PRSS53: variants seen among roughly 807,000 people sequenced by gnomAD.
PRSS53 encodes the protein serine protease 53.
Under a neutral mutation model 62.7 loss-of-function variants are expected in PRSS53, and 54 were observed. The observed-to-expected ratio is 0.86, with a 90% CI of 0.69 to 1.08. PRSS53 has a LOEUF of 1.08. Ranked by LOEUF, PRSS53 falls within the 50% of genes least tolerant of loss-of-function variation. The probability of loss-of-function intolerance (pLI) is 0.00; values close to 1 mark genes in which losing one functional copy is unlikely to be tolerated. For missense variants in PRSS53, 688 were observed against 728.3 expected (o/e 0.94, Z 0.64); for synonymous variants, 273 against 300.0 (o/e 0.91, Z 0.93).
chr16:31,086,864 C>T (rs2057240548), exon 4 of PRSS53: 2 of 1,604,148 alleles, frequency 1.2e-6, no homozygotes, highest in African/African-American at 1.3e-5. Flanking sequence ...GAACCCAGGA[C>T]CACTGACCAG....
At chr16:31,088,224 A>G in intron 1 of PRSS53, 2 of 1,143,446 alleles carry the variant, frequency 1.7e-6, no homozygotes, top group Non-Finnish European at 1.1e-6. Context: ...AGAGGCCTGC[A>G]TCATTTCCAA....
rs768174638 is a variant in PRSS53 at position 31,086,086 on chromosome 16, G to A, written c.761C>T (p.Ala254Val). ...AGCTGTGTTGGTCAGCAGCACAGGA[G>A]CGTCCTCCTGGGCACAGCTTGATGC... The change falls in exon 6 of 11, where the codon GCT (alanine) becomes GTT (valine). Residue 254 changes from alanine to valine, a missense_variant. Physicochemically the swap from Ala to Val is moderately conservative, Grantham distance 64. Transcript: ENST00000280606. The A allele has an allele frequency of 3.1e-6, 5 of 1,613,808 alleles. No homozygotes were observed. In the East Asian group the frequency reaches 1.1e-4, roughly 36 times the overall value.
At chr16:31,088,179 G>A (rs754048889) in intron 1 of PRSS53, 1 of 1,244,134 alleles carries the variant, frequency 8.0e-7, no homozygotes. Flanking sequence ...TAGCTTAATT[G>A]TCCTCTTAGC....
chr16:31,088,056 CTG>C, intron 1 of PRSS53: 1 of 1,427,350 alleles, frequency 7.0e-7, no homozygotes, highest in African/African-American at 1.4e-5. Context: ...GCTCAGCACT[CTG>C]GGGCTTGGGG....
At chr16:31,086,558 G>T in intron 4 of PRSS53, 67 bp from the exon 5 acceptor site, 1 of 1,569,144 alleles carries the variant, frequency 6.4e-7, no homozygotes, top group Non-Finnish European at 8.7e-7. Context: ...TGGAAGCCAG[G>T]ACAGTTGGGA....
intron 3 of PRSS53, chr16:31,087,170 C>T: frequency 1.9e-6 from 1 of 521,192 alleles, no homozygotes; most frequent in Non-Finnish European, 3.4e-6. Flanking sequence ...GCTAATTTTA[C>T]AGTTTTTGTA....
chr16:31,087,023 G>T, intron 3 of PRSS53, 125 bp from the exon 4 acceptor site: 2 of 1,006,788 alleles, frequency 2.0e-6, no homozygotes, highest in Admixed American at 3.3e-5. Context: ...TTGAGGTAGG[G>T]TCTCGTCCTG....
chr16:31,088,362 A>C, intron 1 of PRSS53: 1 of 1,126,196 alleles, frequency 8.9e-7, no homozygotes, highest in Non-Finnish European at 1.1e-6. Context: ...CCTCACAGGC[A>C]CACAGGCACC....
intron 6 of PRSS53, among the ~76,000 whole-genome samples, chr16:31,085,618 G>A (rs73528598): frequency 2.6e-3 from 397 of 152,198 alleles, no homozygotes; most frequent in African/African-American, 9.0e-3. Flanking sequence ...CATAATATCC[G>A]TCCCAGGAAT....
rs370668054 is a variant in PRSS53 at position 31,085,976 on chromosome 16, C to A, written c.871G>T (p.Asp291Tyr). 25 of 1,613,786 alleles carry A rather than the reference C, an allele frequency of 1.5e-5. No individual in the cohort carries two copies. The East Asian group carries it at 5.4e-4, about 35-fold the overall frequency. The change falls in exon 6 of 11, where the codon GAC (aspartate) becomes TAC (tyrosine). Residue 291 changes from aspartate (D) to tyrosine (Y), a missense_variant. Transcript: ENST00000280606. ...GCCCCACTCGTACCTACACAGCTGT[C>A]CTCATCACTCATCTCCGGGGTCTCT...
At chr16:31,084,488 C>T (rs999450012) in intron 9 of PRSS53, 70 bp downstream of exon 9, 16 of 1,539,034 alleles carry the variant, frequency 1.0e-5, no homozygotes, top group Non-Finnish European at 1.3e-5. Flanking sequence ...CCTGGAAGGT[C>T]CGTTCTTGAG....
chr16:31,088,929 C>CAG (rs1390629406), exon 1 of PRSS53: 2 of 1,518,418 alleles, frequency 1.3e-6, no homozygotes, highest in African/African-American at 2.7e-5. Context: ...TTGCCCTAGC[C>CAG]AGCAGTTCCT....
exon 4 of PRSS53, chr16:31,086,726 T>C: frequency 6.3e-7 from 1 of 1,589,560 alleles, no homozygotes; most frequent in African/African-American, 1.3e-5. Context: ...GGTGTGTGGG[T>C]CGTGGGGTGG....
chr16:31,086,270 G>A (rs960187094), intron 5 of PRSS53, 67 bp downstream of exon 5: 35 of 1,584,068 alleles, frequency 2.2e-5, no homozygotes, highest in Non-Finnish European at 2.8e-5. Context: ...CCCCAGTCCT[G>A]TGAGTCCAAC....
exon 4 of PRSS53, chr16:31,086,719 G>A: frequency 6.3e-7 from 1 of 1,584,468 alleles, no homozygotes; most frequent in Non-Finnish European, 8.6e-7. Context: ...GCAGAGGGGT[G>A]TGTGGGTCGT....
intron 3 of PRSS53, 105 bp downstream of exon 3, chr16:31,087,432 G>A: frequency 1.3e-6 from 1 of 791,628 alleles, no homozygotes; most frequent in Middle Eastern, 3.3e-4. Flanking sequence ...TCAGTAAATG[G>A]TTCTTTATTA....
rs1474992726 is a variant in PRSS53, at chr16:31,088,472, C to T, written c.58+280G>A. ...GTTTGCCTGACGTCATTGTGGAAGTCGAGGGGGAGGCAGGCACAGGACACA... is the reference window on the plus strand; with the variant it reads ...GTTTGCCTGACGTCATTGTGGAAGTTGAGGGGGAGGCAGGCACAGGACACA... On this transcript the variant is annotated intron_variant, in intron 1 of 10. Coordinates refer to ENST00000280606, the Ensembl canonical transcript of PRSS53. 5.3e-6 allele frequency: 7 copies of T among 1,313,438 alleles called. No individual in the cohort carries two copies. In the East Asian group the frequency reaches 9.1e-5, roughly 17 times the overall value. 81.4% of individuals were successfully genotyped at this position (1,313,438 alleles called of 1,614,324 possible).
intron 6 of PRSS53, among the ~76,000 whole-genome samples, chr16:31,085,577 T>C (rs2057223847): frequency 6.6e-6 from 1 of 152,212 alleles, no homozygotes; most frequent in Non-Finnish European, 1.5e-5. Context: ...CCCGTATTCC[T>C]GACTCATTAG....
intron 4 of PRSS53, 51 bp downstream of exon 4, chr16:31,086,582 C>A (rs755432832): frequency 6.4e-7 from 1 of 1,551,228 alleles, no homozygotes; most frequent in Non-Finnish European, 8.7e-7. Context: ...GAGACTGTGA[C>A]GCTGGGCAAG....
Sources: gnomAD v4.1 joint callset for allele counts (sites outside exome capture counted in the v4.1 genomes callset) on GRCh38, gnomAD v4.1.1 for gene constraint, MANE v1.5 for transcripts, NCBI Gene and HGNC (gene_info 2026-07-23, HGNC 2026-07-21) for gene names.